The following MOXD1 variants were observed in gnomAD, a reference collection of about 807,000 sequenced individuals.
MOXD1 encodes monooxygenase DBH like 1, also known as DBH-like monooxygenase protein 1.
In MOXD1, 62 loss-of-function variants were observed where a neutral mutation model predicts 66.6. The observed-to-expected ratio is 0.93, with a 90% CI of 0.76 to 1.15. The LOEUF is 1.15. Ranked by LOEUF, MOXD1 falls within the 50% of genes most tolerant of loss-of-function variation. The probability of loss-of-function intolerance (pLI) is 0.00; values close to 1 mark genes in which losing one functional copy is unlikely to be tolerated. For synonymous variants in MOXD1, 303 were observed against 281.9 expected (o/e 1.07, Z -0.75); for missense variants, 847 against 754.6 (o/e 1.12, Z -1.44).
rs2114574842 is a variant in MOXD1 at position 132,324,022 on chromosome 6, G to A, written c.1022C>T (p.Ala341Val). Reference protein sequence around the residue: ...IRKYDAGVIEAGLWVSLFHTI... With the variant: ...IRKYDAGVIEVGLWVSLFHTI... ...ATGGAAGAGGCTCACCCAGAGGCCA[G>A]CCTCAATCACCCCAGCATCATATTT... Residue 341 changes from alanine to valine, a missense_variant, in exon 7 of 12, where the codon GCT becomes GTT. Physicochemically the swap from Ala to Val is moderately conservative, Grantham distance 64 (BLOSUM62 0). Coordinates refer to ENST00000367963, the MANE Select transcript of MOXD1 (RefSeq NM_015529.4). 1 of 1,613,846 alleles carries A rather than the reference G, an allele frequency of 6.2e-7. No homozygotes were observed. Among genetic ancestry groups the A allele is most frequent in the East Asian group, 2.2e-5 (1 of 44,866 alleles).
chr6:132,351,886 C>T (rs750604775), intron 4 of MOXD1, among the ~76,000 whole-genome samples: 1 of 152,144 alleles, frequency 6.6e-6, no homozygotes, highest in Non-Finnish European at 1.5e-5. Context: ...AGAAATTTAT[C>T]CATCTCTTCT....
In MOXD1 at chr6:132,319,168, T is replaced by C. The variant is rs1161039736; in HGVS notation, c.1365+1461A>G. Among the ~76,000 whole-genome samples, 3 of 151,988 alleles carry C rather than the reference T, an allele frequency of 2.0e-5. No homozygotes were observed. The East Asian group carries it at 5.8e-4, about 29-fold the overall frequency. On this transcript the variant is annotated intron_variant, in intron 9 of 11. Coordinates refer to ENST00000367963, the MANE Select transcript of MOXD1 (RefSeq NM_015529.4). ...TTCTGTGTAAATTTTAGAATCAACT[T>C]GCTCCATGTGAAAGCTAAAACAGCA...
intron 4 of MOXD1, among the ~76,000 whole-genome samples, chr6:132,372,149 CT>C (rs1261748722): frequency 6.6e-6 from 1 of 152,148 alleles, no homozygotes; most frequent in African/African-American, 2.4e-5. Flanking sequence ...TAGAAATTCA[CT>C]AATTTTCTTT....
At chr6:132,386,029 G>A (rs1490876943) in intron 1 of MOXD1, among the ~76,000 whole-genome samples, 5 of 149,448 alleles carry the variant, frequency 3.3e-5, no homozygotes, top group African/African-American at 7.4e-5. Flanking sequence ...CGTGAACCCA[G>A]GAGGCGTAGC....
intron 1 of MOXD1, among the ~76,000 whole-genome samples, chr6:132,375,711 C>T (rs974129887): frequency 5.3e-5 from 8 of 152,068 alleles, no homozygotes; most frequent in African/African-American, 1.4e-4. Flanking sequence ...TGAGCCACCG[C>T]GCCCAGCCAG....
At chr6:132,323,531 G>A (rs1775124918) in intron 7 of MOXD1, among the ~76,000 whole-genome samples, 1 of 151,842 alleles carries the variant, frequency 6.6e-6, no homozygotes, top group Non-Finnish European at 1.5e-5. Flanking sequence ...TTTTTGCTCT[G>A]TGGTGAAGAA....
At chr6:132,347,455 T>C (rs1293929577) in intron 4 of MOXD1, among the ~76,000 whole-genome samples, 2 of 152,134 alleles carry the variant, frequency 1.3e-5, no homozygotes, top group African/African-American at 4.8e-5. Context: ...GGCAGACAGA[T>C]CACTTGAGGT....
At chr6:132,339,910 C>T (rs1775515632) in intron 4 of MOXD1, among the ~76,000 whole-genome samples, 1 of 147,892 alleles carries the variant, frequency 6.8e-6, no homozygotes, top group Non-Finnish European at 1.5e-5. Context: ...CACTCCGTCA[C>T]CCAGGCTAGA....
Position 132,349,044 on chromosome 6 carries a change from T to C in MOXD1, c.664-20450A>G, listed in dbSNP as rs572708142. On this transcript the variant is annotated intron_variant, in intron 4 of 11. Coordinates refer to ENST00000367963, the MANE Select transcript of MOXD1 (RefSeq NM_015529.4). Reference sequence around the variant, plus strand: ...GTATTTGGTTACATAAGTAAGTTCTTTGGTGGTGATTTGTGAGACTTTGGT... The same window carrying C: ...GTATTTGGTTACATAAGTAAGTTCTCTGGTGGTGATTTGTGAGACTTTGGT... 4.6e-5 allele frequency among the ~76,000 whole-genome samples: 7 copies of C among 152,124 alleles called. No homozygotes were observed. The South Asian group carries it at 1.5e-3, about 32-fold the overall frequency.
Position 132,324,088 on chromosome 6 carries a change from T to A in MOXD1, c.956A>T (p.Asp319Val). The A allele has an allele frequency of 1.2e-6, 2 of 1,613,010 alleles. No individual in the cohort carries two copies. The highest frequency in any genetic ancestry group is 1.7e-6 in the Non-Finnish European group (2 of 1,179,470). Reference protein sequence around the residue: ...DNPTYEEGLIDNSGLRLFYTM... With the variant: ...DNPTYEEGLIVNSGLRLFYTM... ...GTAAAATAACCTCAGTCCAGAATTA[T>A]CTATTAAGCCTAGAACAAAAGCACA... The change falls in exon 7 of 12, where the codon GAT (aspartate) becomes GTT (valine). Residue 319 changes from aspartate to valine, a missense_variant. By Grantham distance (152) the Asp-to-Val change is radical (BLOSUM62 -3). Coordinates refer to ENST00000367963, the MANE Select transcript of MOXD1 (RefSeq NM_015529.4).
At chr6:132,322,962 T>C (rs545563563) in intron 7 of MOXD1, 92 bp from the exon 8 acceptor site, 1 of 1,114,644 alleles carries the variant, frequency 9.0e-7, no homozygotes, top group African/African-American at 1.6e-5. Flanking sequence ...ACAACTGAGA[T>C]AAAAAGCTAA....
At chr6:132,378,875 CTTTTTTTTTTTTTTTTTTTTTTTTT>C (rs3038136) in intron 1 of MOXD1, among the ~76,000 whole-genome samples, 3 of 41,884 alleles carry the variant, frequency 7.2e-5, no homozygotes, top group African/African-American at 1.1e-4. Flanking sequence ...AACACTTCCT[CTTTTTTTTTTTTTTTTTTTTTTTTT>C]TTTTTTTTTT....
At position 132,401,294 on chromosome 6, in the gene MOXD1, C is replaced by G. The variant is rs755926570; in HGVS notation, c.133G>C (p.Gly45Arg). 12 of 1,597,666 alleles carry G rather than the reference C, an allele frequency of 7.5e-6. No homozygotes were observed. The East Asian group carries it at 2.0e-4, about 27-fold the overall frequency. The change falls in exon 1 of 12, where the codon GGC becomes CGC. Residue 45 changes from glycine to arginine, a missense_variant. Coordinates refer to ENST00000367963, the MANE Select transcript of MOXD1 (RefSeq NM_015529.4). ...TGGAGGCGGAAGGCGATCTGGCTGC[C>G]CCGCTGGCTCCAGCCCAGCCAGTAC... is the stretch of plus-strand genomic sequence containing the variant. ...GKYWLGWSQRGSQIAFRLQVR... is the reference protein window; with the variant it reads ...GKYWLGWSQRRSQIAFRLQVR...
intron 1 of MOXD1, among the ~76,000 whole-genome samples, chr6:132,385,589 T>C (rs542374013): frequency 2.2e-4 from 34 of 151,666 alleles, no homozygotes; most frequent in African/African-American, 8.0e-4. Context: ...GTTCAAGCGA[T>C]TCTCATGCCT....
intron 8 of MOXD1, 91 bp from the exon 9 acceptor site, chr6:132,320,779 T>C: frequency 1.9e-6 from 2 of 1,043,918 alleles, no homozygotes; most frequent in South Asian, 3.0e-5. Flanking sequence ...ATATTTGCTG[T>C]ATGAATGGAT....
intron 3 of MOXD1, 37 bp from the exon 4 acceptor site, chr6:132,372,728 C>T (rs1462326291): frequency 1.2e-6 from 2 of 1,608,752 alleles, no homozygotes; most frequent in South Asian, 2.2e-5. Flanking sequence ...CACAAAGTCA[C>T]CTTCTCTTAA....
chr6:132,299,963 A>G (rs1774495978), intron 10 of MOXD1, among the ~76,000 whole-genome samples: 1 of 151,984 alleles, frequency 6.6e-6, no homozygotes, highest in East Asian at 1.9e-4. Context: ...TTTTAAGTAA[A>G]TTAAAAGTTC....
intron 10 of MOXD1, among the ~76,000 whole-genome samples, chr6:132,304,734 A>G (rs1774647778): frequency 6.6e-6 from 1 of 152,212 alleles, no homozygotes; most frequent in Admixed American, 6.5e-5. Flanking sequence ...ATAACCAATA[A>G]ACATGTGAAA....
rs1422845559 is a variant in MOXD1 at position 132,401,397 on chromosome 6, C to G, written c.30G>C (p.Trp10Cys). ...CCGCCGCCGTCCCGGGGAGCAGCCC[C>G]CACAGCAGGAGCAGCGGCCAGCAGC... Reference protein sequence around the residue: MCCWPLLLLWGLLPGTAAGG... With the variant: MCCWPLLLLCGLLPGTAAGG... Residue 10 changes from tryptophan to cysteine, a missense_variant, in exon 1 of 12, where the codon TGG becomes TGC. Coordinates refer to ENST00000367963, the MANE Select transcript of MOXD1 (RefSeq NM_015529.4). 1 of 1,527,864 alleles carries G rather than the reference C, an allele frequency of 6.5e-7. No homozygotes were observed. The highest frequency in any genetic ancestry group is 1.2e-5 in the South Asian group (1 of 82,722). The allele number at this position is 1,527,864 out of a possible 1,614,324, so 94.6% of individuals were successfully genotyped here.
Sources: gnomAD v4.1 joint callset for allele counts (sites outside exome capture counted in the v4.1 genomes callset) on GRCh38, gnomAD v4.1.1 for gene constraint, MANE v1.5 for transcripts, NCBI Gene and HGNC (gene_info 2026-07-23, HGNC 2026-07-21) for gene names.